Variants in LRP1B observed in about 807,000 individuals in gnomAD.
The protein encoded by LRP1B is low-density lipoprotein receptor-related protein 1B.
In LRP1B, 217 loss-of-function variants were observed where a neutral mutation model predicts 556.6. The ratio of observed to expected loss-of-function variants is 0.39; its 90% CI spans 0.35 to 0.44. The LOEUF (loss-of-function observed/expected upper bound fraction) is 0.44, where lower values mean the gene tolerates loss of function less well. Among genes scored for constraint, LRP1B ranks in the 20% least tolerant of loss-of-function variants. The pLI, the probability that LRP1B is intolerant of heterozygous loss-of-function variation, is 1.00. For missense variants in LRP1B, 5,053 were observed against 5,620.8 expected, an observed-to-expected ratio of 0.90 and a Z score of 3.23; for synonymous variants, 2,047 against 1,865.8, an observed-to-expected ratio of 1.10 and a Z score of -2.50.
rs766541234 is a variant in LRP1B, at chr2:141,058,959, C to A, written c.1332G>T (p.Gly444=). The change falls in exon 9 of 91, where the codon GGG becomes GGT. Residue 444 remains glycine (G), a synonymous_variant. Transcript: ENST00000389484. ...TTTTAATTAATGAGTGAATATCAGT[C>A]CCATTAAATCGGTTTATCCTTACGA... ...YNIVRINRFN[G]TDIHSLIKIE... 1.3e-6 allele frequency: 2 copies of A among 1,599,970 alleles called. No individual in the cohort carries two copies. The highest frequency in any genetic ancestry group is 1.7e-6 in the Non-Finnish European group (2 of 1,172,848).
intron 7 of LRP1B, among the ~76,000 whole-genome samples, chr2:141,168,387 G>A (rs1680356684): frequency 6.6e-6 from 1 of 152,014 alleles, no homozygotes; most frequent in Non-Finnish European, 1.5e-5. Flanking sequence ...CTGTTACTTA[G>A]AGCAGTGAAG....
intron 21 of LRP1B, among the ~76,000 whole-genome samples, chr2:140,918,665 G>A (rs573473115): frequency 1.3e-5 from 2 of 152,170 alleles, no homozygotes; most frequent in South Asian, 4.1e-4. Flanking sequence ...GTTATAGACC[G>A]AATGTTTGTG....
chr2:141,044,088 C>G (rs1014477256), intron 11 of LRP1B, among the ~76,000 whole-genome samples: 2 of 151,778 alleles, frequency 1.3e-5, no homozygotes, highest in African/African-American at 4.8e-5. Context: ...ATCAATGGAA[C>G]AGAACAGAGC....
chr2:141,091,408 AAACAAC>A (rs977384142), intron 7 of LRP1B, among the ~76,000 whole-genome samples: 3 of 152,200 alleles, frequency 2.0e-5, no homozygotes, highest in African/African-American at 7.2e-5. Context: ...TAAAAAACAA[AAACAAC>A]AACAACAACA....
chr2:140,432,394 C>T (rs146332438), intron 66 of LRP1B, among the ~76,000 whole-genome samples: 4 of 152,298 alleles, frequency 2.6e-5, no homozygotes, highest in South Asian at 2.1e-4. Context: ...CTTCACACAA[C>T]GAACATGAAC....
chr2:141,387,837 G>A (rs970707560), intron 3 of LRP1B, among the ~76,000 whole-genome samples: 12 of 151,996 alleles, frequency 7.9e-5, no homozygotes, highest in Non-Finnish European at 1.8e-4. Flanking sequence ...TAACACCAAA[G>A]GGAAGAAACT....
chr2:140,456,742 T>C (rs1367059847), intron 61 of LRP1B, 139 bp from the exon 62 acceptor site: 3 of 557,842 alleles, frequency 5.4e-6, no homozygotes, highest in Non-Finnish European at 8.3e-6. Flanking sequence ...ATCAAGACTA[T>C]AAATATAATT....
At chr2:141,820,328 A>T (rs1170883200) in intron 1 of LRP1B, among the ~76,000 whole-genome samples, 1 of 152,210 alleles carries the variant, frequency 6.6e-6, no homozygotes, top group Non-Finnish European at 1.5e-5. Flanking sequence ...AGAAATAGAA[A>T]AATATATTTA....
At chr2:141,271,435 A>G (rs1685085875) in intron 3 of LRP1B, among the ~76,000 whole-genome samples, 1 of 151,832 alleles carries the variant, frequency 6.6e-6, no homozygotes, top group African/African-American at 2.4e-5. Context: ...AGGCATTCAC[A>G]ATATAGTAAA....
intron 31 of LRP1B, among the ~76,000 whole-genome samples, chr2:140,834,936 A>G (rs553251414): frequency 6.6e-6 from 1 of 152,264 alleles, no homozygotes; most frequent in East Asian, 1.9e-4. Flanking sequence ...CTATAGTTTT[A>G]AAATAAGCAT....
chr2:141,404,732 A>C (rs1690570195), intron 3 of LRP1B, among the ~76,000 whole-genome samples: 1 of 152,210 alleles, frequency 6.6e-6, no homozygotes, highest in African/African-American at 2.4e-5. Flanking sequence ...CTGCCATAGC[A>C]AGCTTTTTAG....
At chr2:141,493,508 G>A (rs769015531) in intron 2 of LRP1B, among the ~76,000 whole-genome samples, 8 of 152,132 alleles carry the variant, frequency 5.3e-5, no homozygotes, top group Non-Finnish European at 1.0e-4. Context: ...AACTTGAGGG[G>A]AATCTTGGCC....
intron 86 of LRP1B, among the ~76,000 whole-genome samples, chr2:140,256,923 G>A (rs932227589): frequency 1.3e-5 from 2 of 151,602 alleles, no homozygotes; most frequent in Non-Finnish European, 2.9e-5. Flanking sequence ...TTTAAAAAGT[G>A]TATATGGCAT....
intron 68 of LRP1B, among the ~76,000 whole-genome samples, chr2:140,373,766 T>G (rs1355310123): frequency 6.6e-6 from 1 of 152,118 alleles, no homozygotes; most frequent in Non-Finnish European, 1.5e-5. Context: ...CTAGGCAACA[T>G]AGTGACATCC....
intron 2 of LRP1B, among the ~76,000 whole-genome samples, chr2:141,753,175 G>A (rs940418147): frequency 6.9e-6 from 1 of 145,206 alleles, no homozygotes; most frequent in Admixed American, 6.9e-5. Context: ...TTGAACCTGG[G>A]AGGGGGAGGT....
chr2:141,753,188 C>T (rs900132751), intron 2 of LRP1B, among the ~76,000 whole-genome samples: 8 of 142,096 alleles, frequency 5.6e-5, no homozygotes, highest in South Asian at 2.3e-4. Flanking sequence ...GGGGAGGTTG[C>T]GGTGAGCCCA....
At chr2:142,058,397 C>T (rs566625519) in intron 1 of LRP1B, among the ~76,000 whole-genome samples, 16 of 152,260 alleles carry the variant, frequency 1.1e-4, no homozygotes, top group African/African-American at 1.4e-4. Context: ...ACTGATCTAG[C>T]GGGTATCCTG....
chr2:141,712,063 C>T (rs973161169), intron 2 of LRP1B, among the ~76,000 whole-genome samples: 1 of 151,986 alleles, frequency 6.6e-6, no homozygotes, highest in South Asian at 2.1e-4. Context: ...GTTGCTTACC[C>T]CACCCACACA....
At chr2:141,077,768 T>C (rs1699827430) in intron 7 of LRP1B, among the ~76,000 whole-genome samples, 1 of 152,162 alleles carries the variant, frequency 6.6e-6, no homozygotes, top group Non-Finnish European at 1.5e-5. Context: ...CTAGCCAGAC[T>C]CACAAGTGCC....
Sources: allele counts gnomAD v4.1 joint callset (sites outside exome capture counted in the v4.1 genomes callset), GRCh38; gene constraint gnomAD v4.1.1; transcripts MANE v1.5; gene names NCBI Gene and HGNC (gene_info 2026-07-23, HGNC 2026-07-21).